The following CMIP variants were observed in gnomAD, a reference collection of about 807,000 sequenced individuals.
CMIP encodes the protein c-Maf inducing protein, also known as C-Maf-inducing protein.
In CMIP, 13 loss-of-function variants were observed where a neutral mutation model predicts 97.3. The observed-to-expected ratio is 0.13, with a 90% confidence interval of 0.09 to 0.21. The LOEUF is 0.21. Ranked by LOEUF, CMIP falls within the 10% of genes least tolerant of loss-of-function variation. CMIP has a pLI of 1.00. For synonymous variants in CMIP, 538 were observed against 436.3 expected, an observed-to-expected ratio of 1.23 and a Z score of -2.91; for missense variants, 847 against 1,024.9, an observed-to-expected ratio of 0.83 and a Z score of 2.37.
chr16:81,518,854 T>TTTTTTTTTGTTTTTTTTTTTTTTGCCCTG, intron 1 of CMIP: 1 of 142,966 alleles, frequency 7.0e-6, no homozygotes, highest in Non-Finnish European at 1.6e-5. Flanking sequence ...TTTTTTTTTT[T>TTTTTTTTTGTTTTTTTTTTTTTTGCCCTG]GAGACAGAGT....
chr16:81,496,150 A>G (rs146052890), intron 1 of CMIP, among the ~76,000 whole-genome samples: 1 of 152,332 alleles, frequency 6.6e-6, no homozygotes, highest in Non-Finnish European at 1.5e-5. Context: ...CTGGTCTCCA[A>G]GGGTGGATAT....
At chr16:81,459,745 A>T (rs1046807632) in intron 1 of CMIP, among the ~76,000 whole-genome samples, 1 of 152,008 alleles carries the variant, frequency 6.6e-6, no homozygotes, top group South Asian at 2.1e-4. Context: ...ATAGACTTCC[A>T]CCCCAAGCAG....
intron 3 of CMIP, among the ~76,000 whole-genome samples, chr16:81,635,719 T>C (rs1421801604): frequency 1.3e-5 from 2 of 152,212 alleles, no homozygotes; most frequent in African/African-American, 4.8e-5. Flanking sequence ...GCAAACGATC[T>C]GGCCCAGCAC....
At chr16:81,698,318 G>A (rs1194893945) in intron 14 of CMIP, among the ~76,000 whole-genome samples, 2 of 152,200 alleles carry the variant, frequency 1.3e-5, no homozygotes, top group Non-Finnish European at 2.9e-5. Context: ...CTGCCCTTGG[G>A]CCCCCATCGC....
At chr16:81,585,117 A>G (rs949384550) in intron 1 of CMIP, among the ~76,000 whole-genome samples, 2 of 152,134 alleles carry the variant, frequency 1.3e-5, no homozygotes, top group African/African-American at 4.8e-5. Context: ...TGAGGTGGGC[A>G]GATCACTTGA....
chr16:81,471,702 C>T (rs980365191), intron 1 of CMIP, among the ~76,000 whole-genome samples: 11 of 152,168 alleles, frequency 7.2e-5, no homozygotes, highest in Admixed American at 5.9e-4. Flanking sequence ...TTTCATCCTA[C>T]GCGTACATAC....
At position 81,691,815 on chromosome 16, in the gene CMIP, C is replaced by A; in HGVS notation, c.1429C>A (p.Leu477Ile). 1 of 1,613,940 alleles carries A rather than the reference C, an allele frequency of 6.2e-7. No homozygotes were observed. ...CTGGAGACCGTCTCTGGCCAGTTTG[C>A]TTCAACCCATTCCATTCCCCAAAGA... ...DDWRPSLASL[L>I]QPIPFPKEAL... The change falls in exon 11 of 21, where the codon CTT becomes ATT. Residue 477 changes from leucine to isoleucine, a missense_variant. This residue lies in a region of CMIP where 202 missense variants were observed against 168.7 expected (regional missense o/e 1.20). Coordinates refer to ENST00000537098, the MANE Select transcript of CMIP (RefSeq NM_198390.3).
intron 1 of CMIP, among the ~76,000 whole-genome samples, chr16:81,480,092 C>G (rs1006162605): frequency 6.6e-6 from 1 of 152,194 alleles, no homozygotes; most frequent in East Asian, 1.9e-4. Flanking sequence ...TGGGCCATAG[C>G]CTTTTCCGAG....
At position 81,595,689 on chromosome 16, in the gene CMIP, C is replaced by T. The variant is rs140215127; in HGVS notation, c.301-11878C>T. On this transcript the variant is annotated intron_variant, in intron 1 of 20. Coordinates refer to ENST00000537098, the MANE Select transcript of CMIP (RefSeq NM_198390.3). Reference sequence around the variant, plus strand: ...CAGGCATGAGCCACCACGCCTAGCCCGCATAATACTTTCAAGGTTCATCCA... The same window carrying T: ...CAGGCATGAGCCACCACGCCTAGCCTGCATAATACTTTCAAGGTTCATCCA... 3.5e-3 allele frequency among the ~76,000 whole-genome samples: 535 copies of T among 152,102 alleles called. 1 individual carries two copies. Among genetic ancestry groups the T allele is most frequent in the Non-Finnish European group, 6.3e-3 (427 of 67,938 alleles).
At position 81,705,669 on chromosome 16, in the gene CMIP, C is replaced by T. The variant is rs779890426; in HGVS notation, c.2197+65C>T. 270 of 1,079,152 alleles carry T rather than the reference C, an allele frequency of 2.5e-4. 1 individual carries two copies. Among genetic ancestry groups the T allele is most frequent in the Non-Finnish European group, 2.7e-4 (200 of 735,428 alleles). 66.8% of individuals were successfully genotyped at this position (1,079,152 alleles called of 1,614,324 possible). A position where few individuals can be genotyped will look rare whatever the true frequency, so the allele number is the denominator to read the frequency against. On this transcript the variant is annotated intron_variant, in intron 19 of 20. Transcript: ENST00000537098. Reference sequence around the variant, plus strand: ...TGATTCATTCCTTCCTTGCTTCAGCCAAACTGGCCAAGCACTGACTTTGCA... The same window carrying T: ...TGATTCATTCCTTCCTTGCTTCAGCTAAACTGGCCAAGCACTGACTTTGCA...
At chr16:81,675,684 C>T (rs1157238566) in intron 9 of CMIP, among the ~76,000 whole-genome samples, 3 of 152,158 alleles carry the variant, frequency 2.0e-5, no homozygotes, top group Admixed American at 2.0e-4. Context: ...GAGGTCCCTG[C>T]AGGGGAAGAG....
intron 9 of CMIP, among the ~76,000 whole-genome samples, chr16:81,675,139 G>A (rs12935662): frequency 0.069 from 10,477 of 152,222 alleles, 484 homozygotes; most frequent in Non-Finnish European, 0.1. Context: ...GACCCAGGGA[G>A]AGAACCACAT....
At chr16:81,569,621 G>A (rs773552474) in intron 1 of CMIP, among the ~76,000 whole-genome samples, 9 of 152,222 alleles carry the variant, frequency 5.9e-5, no homozygotes, top group Admixed American at 5.2e-4. Context: ...GGGAAGTCCC[G>A]ATTTGCAATG....
rs74983362 is a variant in CMIP at position 81,567,347 on chromosome 16, T to G, written c.301-40220T>G. On this transcript the variant is annotated intron_variant, in intron 1 of 20. Transcript: ENST00000537098. Reference sequence around the variant, plus strand: ...TGCTACAGGGCGGAATCCACTTCTTTCCATTCTTGGATGTGGCATCCGTGG... The same window carrying G: ...TGCTACAGGGCGGAATCCACTTCTTGCCATTCTTGGATGTGGCATCCGTGG... 3.9e-3 allele frequency among the ~76,000 whole-genome samples: 588 copies of G among 152,356 alleles called. 5 individuals carry two copies. Among genetic ancestry groups the G allele is most frequent in the African/African-American group, 0.014 (570 of 41,590 alleles).
chr16:81,517,987 A>T (rs2089948772), intron 1 of CMIP: 2 of 849,200 alleles, frequency 2.4e-6, no homozygotes, highest in East Asian at 2.4e-4. Flanking sequence ...TTCACAAAGT[A>T]AGTGACGGGG....
chr16:81,708,752 T>C (rs1260121001), intron 20 of CMIP, among the ~76,000 whole-genome samples: 1 of 152,184 alleles, frequency 6.6e-6, no homozygotes, highest in Non-Finnish European at 1.5e-5. Flanking sequence ...TCTCCTAATT[T>C]TGAAAGGCTG....
chr16:81,709,945 G>C lies in CMIP; in HGVS notation c.*146G>C, dbSNP rs1908577273. 1 of 617,872 alleles carries C rather than the reference G, an allele frequency of 1.6e-6. No homozygotes were observed. The highest frequency in any genetic ancestry group is 2.9e-6 in the Non-Finnish European group (1 of 345,316). 38.3% of individuals were successfully genotyped at this position (617,872 alleles called of 1,614,324 possible). On this transcript the variant is annotated 3_prime_UTR_variant, in exon 21 of 21. Transcript: ENST00000537098. ...AGTCTTTCTGGGGGCGGAGGGGGGA[G>C]GGGGTGGGGAGGGGGCCCACAAGCA...
intron 1 of CMIP, among the ~76,000 whole-genome samples, chr16:81,571,587 C>CAAAAAAAAAAA (rs397854647): frequency 1.1e-5 from 1 of 87,486 alleles, no homozygotes; most frequent in Non-Finnish European, 2.2e-5. Context: ...TCATCTCTAC[C>CAAAAAAAAAAA]AAAAAAAAAA....
At chr16:81,700,228 A>G (rs1005561245) in intron 15 of CMIP, among the ~76,000 whole-genome samples, 2 of 152,056 alleles carry the variant, frequency 1.3e-5, no homozygotes, top group Non-Finnish European at 1.5e-5. Context: ...GAGGCCTCAG[A>G]CAATGAGGGC....
Sources: allele counts gnomAD v4.1 joint callset (sites outside exome capture counted in the v4.1 genomes callset), GRCh38; gene constraint gnomAD v4.1.1; regional missense constraint gnomAD v4.1.1; transcripts MANE v1.5; gene names NCBI Gene and HGNC (gene_info 2026-07-23, HGNC 2026-07-21).